Variants in HIP1 observed in about 807,000 individuals in gnomAD.
HIP1 encodes the protein huntingtin interacting protein 1.
In HIP1, 65 loss-of-function variants were observed where a neutral mutation model predicts 147.6. The ratio of observed to expected loss-of-function variants is 0.44; its 90% CI spans 0.36 to 0.54. The LOEUF (loss-of-function observed/expected upper bound fraction) is 0.54, where lower values mean the gene tolerates loss of function less well. Ranked by LOEUF, HIP1 falls within the 20% of genes least tolerant of loss-of-function variation. The pLI is 0.00. For missense variants in HIP1, 1,061 were observed against 1,299.6 expected, an observed-to-expected ratio of 0.82 and a Z score of 2.82; for synonymous variants, 479 against 504.0, an observed-to-expected ratio of 0.95 and a Z score of 0.67.
Position 75,536,936 on chromosome 7 carries a change from A to T in HIP1, c.*1236T>A, listed in dbSNP as rs1794103866. ...AAACCAAGTATAGGGTTCTTCCCTG[A>T]TGGGAGCAATTGCATCTGATCTTCC... On this transcript the variant is annotated 3_prime_UTR_variant, in exon 31 of 31. Coordinates refer to ENST00000336926, the MANE Select transcript of HIP1 (RefSeq NM_005338.7). The T allele has an allele frequency of 8.6e-6, 2 of 231,396 alleles. No homozygotes were observed. Among genetic ancestry groups the T allele is most frequent in the East Asian group, 1.2e-4 (2 of 16,348 alleles). 14.3% of individuals were successfully genotyped at this position (231,396 alleles called of 1,614,324 possible). A position where few individuals can be genotyped will look rare whatever the true frequency, so the allele number is the denominator to read the frequency against.
chr7:75,586,778 C>T lies in HIP1; in HGVS notation c.440G>A (p.Arg147Lys). The change falls in exon 5 of 31, where the codon AGA becomes AAA. Residue 147 changes from arginine (R) to lysine (K), a missense_variant. Around this residue, in one of 3 missense-constraint regions of HIP1, gnomAD observed 225 missense variants for 292.9 expected, o/e 0.77. Transcript: ENST00000336926. ...TTTGGTGTGGTACTCCATCTTGGTTCTTAGCAGTTTCAGGTAGATGCTGCA... is the reference window on the plus strand; with the variant it reads ...TTTGGTGTGGTACTCCATCTTGGTTTTTAGCAGTTTCAGGTAGATGCTGCA... Reference protein sequence around the residue: ...QLCSIYLKLLRTKMEYHTKNP... With the variant: ...QLCSIYLKLLKTKMEYHTKNP... The T allele has an allele frequency of 6.2e-7, 1 of 1,613,550 alleles. No homozygotes were observed. The highest frequency in any genetic ancestry group is 8.5e-7 in the Non-Finnish European group (1 of 1,179,580).
Position 75,538,228 on chromosome 7 carries a change from A to C in HIP1, c.3062-4T>G, listed in dbSNP as rs782542280. The C allele has an allele frequency of 4.3e-6, 7 of 1,611,714 alleles. No individual in the cohort carries two copies. The South Asian group carries it at 7.7e-5, about 18-fold the overall frequency. On this transcript the variant is annotated splice_region_variant and splice_polypyrimidine_tract_variant and intron_variant, in intron 30 of 30. Coordinates refer to ENST00000336926, the MANE Select transcript of HIP1 (RefSeq NM_005338.7). ...GTAGGTGGAGATGCCTCTGTTCCTAAAAGACAATGATAATTTATGTTGCAA... is the reference window on the plus strand; with the variant it reads ...GTAGGTGGAGATGCCTCTGTTCCTACAAGACAATGATAATTTATGTTGCAA...
At chr7:75,585,467 C>A (rs1156640560) in intron 5 of HIP1, among the ~76,000 whole-genome samples, 1 of 152,010 alleles carries the variant, frequency 6.6e-6, no homozygotes, top group Non-Finnish European at 1.5e-5. Context: ...TGAGCCACTG[C>A]GCCCAACCCC....
rs1800153650 is a variant in HIP1, at chr7:75,683,276, C to T, written c.120+55525G>A. Among the ~76,000 whole-genome samples the T allele has an allele frequency of 2.6e-5, 4 of 152,002 alleles. No individual in the cohort carries two copies. The South Asian group carries it at 8.3e-4, about 32-fold the overall frequency. ...GATTACAGGTGTCAGCCACCGTGCC[C>T]GGCCTCACTTGAGATTTATGAAGGG... On this transcript the variant is annotated intron_variant, in intron 1 of 30. Transcript: ENST00000336926.
intron 1 of HIP1, among the ~76,000 whole-genome samples, chr7:75,648,519 G>A (rs1259569429): frequency 6.6e-6 from 1 of 152,126 alleles, no homozygotes; most frequent in East Asian, 1.9e-4. Flanking sequence ...AGGTGTCCAT[G>A]GTCCCTTTCC....
chr7:75,573,656 G>T, intron 8 of HIP1, 105 bp downstream of exon 8: 2 of 1,196,824 alleles, frequency 1.7e-6, no homozygotes, highest in Non-Finnish European at 1.2e-6. Context: ...GAAGCAGACA[G>T]CCAAAGGCAC....
At chr7:75,589,831 C>T (rs1439894656) in intron 4 of HIP1, among the ~76,000 whole-genome samples, 3 of 151,132 alleles carry the variant, frequency 2.0e-5, no homozygotes, top group African/African-American at 4.9e-5. Flanking sequence ...CCCGGGTTCA[C>T]GCCTTTCTCC....
intron 30 of HIP1, 23 bp downstream of exon 30, chr7:75,539,300 G>T: frequency 6.4e-7 from 1 of 1,562,654 alleles, no homozygotes; most frequent in South Asian, 1.1e-5. Flanking sequence ...GCGGGTTAGT[G>T]CCCATCCTTG....
At chr7:75,654,080 G>A (rs1201145248) in intron 1 of HIP1, among the ~76,000 whole-genome samples, 2 of 151,992 alleles carry the variant, frequency 1.3e-5, no homozygotes, top group African/African-American at 2.4e-5. Flanking sequence ...TGACACACAG[G>A]GAAGCCAAGG....
At chr7:75,606,057 C>G (rs1797212079) in intron 1 of HIP1, among the ~76,000 whole-genome samples, 2 of 152,078 alleles carry the variant, frequency 1.3e-5, no homozygotes, top group South Asian at 4.1e-4. Flanking sequence ...TTATGTTGCC[C>G]AGGCTGGTCT....
intron 1 of HIP1, among the ~76,000 whole-genome samples, chr7:75,603,859 GCA>G (rs1797110663): frequency 6.6e-6 from 1 of 151,118 alleles, no homozygotes; most frequent in Non-Finnish European, 1.5e-5. Context: ...GGGCAACAGA[GCA>G]AAAACCCTGT....
chr7:75,670,000 C>T (rs186010424), intron 1 of HIP1, among the ~76,000 whole-genome samples: 60 of 152,206 alleles, frequency 3.9e-4, no homozygotes, highest in African/African-American at 1.3e-3. Flanking sequence ...GGGGTTTCGT[C>T]ATGTTGGCCA....
chr7:75,584,674 G>C (rs1554499214), intron 5 of HIP1, among the ~76,000 whole-genome samples: 1 of 151,790 alleles, frequency 6.6e-6, no homozygotes, highest in African/African-American at 2.4e-5. Context: ...TATATACAAG[G>C]CAAAGGGACC....
chr7:75,611,756 C>T (rs913374300), intron 1 of HIP1: 25 of 1,037,178 alleles, frequency 2.4e-5, no homozygotes, highest in East Asian at 5.9e-5. Flanking sequence ...AAGACCAAGC[C>T]GTGTCTCCCC....
Position 75,613,824 on chromosome 7 carries a change from C to T in HIP1, c.121-14577G>A, listed in dbSNP as rs144350213. On this transcript the variant is annotated intron_variant, in intron 1 of 30. Transcript: ENST00000336926. ...CACTACAGCCTCAACCTCCTGGATT[C>T]GAGCAATCTCCCATCTCAGCCTCCC... is the stretch of plus-strand genomic sequence containing the variant. Among the ~76,000 whole-genome samples, 482 of 152,290 alleles carry T rather than the reference C, an allele frequency of 3.2e-3. 7 individuals are homozygous for T. Among genetic ancestry groups the T allele is most frequent in the Non-Finnish European group, 2.1e-3 (140 of 68,018 alleles).
At chr7:75,693,551 GT>G (rs1472657069) in intron 1 of HIP1, among the ~76,000 whole-genome samples, 2 of 152,012 alleles carry the variant, frequency 1.3e-5, no homozygotes, top group East Asian at 3.8e-4. Flanking sequence ...CCCTTTACTA[GT>G]TGTTTAGCTG....
At chr7:75,723,000 C>T (rs1464216580) in intron 1 of HIP1, among the ~76,000 whole-genome samples, 1 of 152,106 alleles carries the variant, frequency 6.6e-6, no homozygotes, top group Non-Finnish European at 1.5e-5. Context: ...GTCTATGCAG[C>T]GAGACATGGG....
At chr7:75,539,013 A>G (rs587685922) in intron 30 of HIP1, among the ~76,000 whole-genome samples, 1 of 152,296 alleles carries the variant, frequency 6.6e-6, no homozygotes, top group East Asian at 1.9e-4. Flanking sequence ...TCTGCTGGCC[A>G]GAAACTAAAT....
chr7:75,553,237 C>T (rs1794854032), intron 22 of HIP1, among the ~76,000 whole-genome samples: 1 of 152,102 alleles, frequency 6.6e-6, no homozygotes, highest in African/African-American at 2.4e-5. Context: ...CCCGTCTAGC[C>T]TCAAGTGATC....
Sources: allele counts gnomAD v4.1 joint callset (sites outside exome capture counted in the v4.1 genomes callset), GRCh38; gene constraint gnomAD v4.1.1; regional missense constraint gnomAD v4.1.1; transcripts MANE v1.5; gene names NCBI Gene and HGNC (gene_info 2026-07-23, HGNC 2026-07-21).